Variants in CLASRP observed in about 807,000 individuals in gnomAD.
CLASRP encodes the protein CLK4-associating serine/arginine rich protein.
Under a neutral mutation model 99.9 loss-of-function variants are expected in CLASRP, and 52 were observed. The ratio of observed to expected loss-of-function variants is 0.52; its 90% confidence interval spans 0.42 to 0.66. CLASRP has a LOEUF of 0.66. CLASRP is among the 30% of genes least tolerant of loss of function. The pLI is 0.00. For missense variants in CLASRP, 848 were observed against 999.2 expected (o/e 0.85, Z 2.04); for synonymous variants, 379 against 373.0 (o/e 1.02, Z -0.18).
chr19:45,065,388 C>CAAAA (rs761472417), intron 13 of CLASRP, among the ~76,000 whole-genome samples: 32 of 84,962 alleles, frequency 3.8e-4, no homozygotes, highest in African/African-American at 1.2e-3. Flanking sequence ...GATTCCGTCT[C>CAAAA]AAAAAAAAAA....
In CLASRP at chr19:45,055,399, G is replaced by A. The variant is rs139213782; in HGVS notation, c.380-1051G>A. Among the ~76,000 whole-genome samples, 881 of 152,288 alleles carry A rather than the reference G, an allele frequency of 5.8e-3. 6 individuals are homozygous for A. The highest frequency in any genetic ancestry group is 0.014 in the Middle Eastern group (4 of 294). On this transcript the variant is annotated intron_variant, in intron 5 of 20. Transcript: ENST00000221455. Reference sequence around the variant, plus strand: ...TGGCTGGAGCAGGGAGAGCGAGGGCGCTTGTGCAAGACAGGGTCAGCAGGG... The same window carrying A: ...TGGCTGGAGCAGGGAGAGCGAGGGCACTTGTGCAAGACAGGGTCAGCAGGG...
rs143581101 is a variant in CLASRP at position 45,045,101 on chromosome 19, G to T, written c.99+4790G>T. 8.9e-3 allele frequency among the ~76,000 whole-genome samples: 1,361 copies of T among 152,312 alleles called. 6 individuals carry two copies. The highest frequency in any genetic ancestry group is 0.018 in the South Asian group (86 of 4,828). ...AGCCGCTTCTGTTTTGTTCTCCTGG[G>T]CACAGCTTCTCTTCCTAGTGTTGCA... is the stretch of plus-strand genomic sequence containing the variant. On this transcript the variant is annotated intron_variant, in intron 2 of 20. Transcript: ENST00000221455.
chr19:45,058,096 T>C (rs1414826658), intron 7 of CLASRP, 198 bp downstream of exon 7: 9 of 636,758 alleles, frequency 1.4e-5, no homozygotes, highest in Non-Finnish European at 2.4e-5. Flanking sequence ...CTCACTCATC[T>C]CTCATTTCTA....
In CLASRP at chr19:45,070,928, TAA is replaced by T. The variant is rs1967230971; in HGVS notation, c.*85_*86del. The T allele has an allele frequency of 2.3e-6, 2 of 885,210 alleles. No homozygotes were observed. The highest frequency in any genetic ancestry group is 3.6e-6 in the Non-Finnish European group (2 of 561,616). 54.8% of individuals were successfully genotyped at this position (885,210 alleles called of 1,614,324 possible). ...GCTGCTGGTTTTATCTCTAGTGAAA[TAA>T]AGTCAAAAGTTATTTAATTCCCGTC... is the stretch of plus-strand genomic sequence containing the variant. On this transcript the variant is annotated 3_prime_UTR_variant, in exon 21 of 21. Transcript: ENST00000221455.
At chr19:45,044,312 G>C (rs1236812944) in intron 2 of CLASRP, among the ~76,000 whole-genome samples, 1 of 152,250 alleles carries the variant, frequency 6.6e-6, no homozygotes, top group African/African-American at 2.4e-5. Context: ...CACGATAACA[G>C]CTAACGCTGT....
chr19:45,059,026 G>A (rs1953842451), intron 7 of CLASRP, among the ~76,000 whole-genome samples: 2 of 151,170 alleles, frequency 1.3e-5, no homozygotes, highest in Admixed American at 6.6e-5. Context: ...CCCTCCCTCC[G>A]TTCATCTGCC....
chr19:45,056,806 T>C (rs1972127697), intron 6 of CLASRP, among the ~76,000 whole-genome samples: 1 of 152,188 alleles, frequency 6.6e-6, no homozygotes, highest in Admixed American at 6.5e-5. Flanking sequence ...GAGTCCTGGC[T>C]GTGAGGCCCT....
Position 45,067,693 on chromosome 19 carries a change from G to A in CLASRP, c.1667+99G>A, listed in dbSNP as rs1967124949. The A allele has an allele frequency of 1.7e-6, 2 of 1,159,542 alleles. No homozygotes were observed. Among genetic ancestry groups the A allele is most frequent in the African/African-American group, 1.5e-5 (1 of 65,176 alleles). 71.8% of individuals were successfully genotyped at this position (1,159,542 alleles called of 1,614,324 possible). A position where few individuals can be genotyped will look rare whatever the true frequency, so the allele number is the denominator to read the frequency against. Reference sequence around the variant, plus strand: ...TGAGGGGAACTTAGCCCTACCCTGGGAGGTCTGGGGGGTGGTGTATGGCCC... The same window carrying A: ...TGAGGGGAACTTAGCCCTACCCTGGAAGGTCTGGGGGGTGGTGTATGGCCC... On this transcript the variant is annotated intron_variant, in intron 14 of 20. Coordinates refer to ENST00000221455, the MANE Select transcript of CLASRP (RefSeq NM_007056.3). This position sits in a 1 kb window ranked among gnomAD's most constrained non-coding sequence, Gnocchi z 4.9.
chr19:45,060,712 C>T lies in CLASRP; in HGVS notation c.863+85C>T. ...AGGGCCTGAGAAAGCTCTTTGGAGG[C>T]AGGCATTTGACTTGAGAAAGGAGTC... is the stretch of plus-strand genomic sequence containing the variant. On this transcript the variant is annotated intron_variant, in intron 10 of 20. Transcript: ENST00000221455. The surrounding 1 kb of genome is among the most constrained non-coding windows in gnomAD (Gnocchi z 4.6). 9.2e-7 allele frequency: 1 copy of T among 1,082,712 alleles called. No homozygotes were observed. The highest frequency in any genetic ancestry group is 1.3e-6 in the Non-Finnish European group (1 of 760,472). 67.1% of individuals were successfully genotyped at this position (1,082,712 alleles called of 1,614,324 possible).
intron 2 of CLASRP, 191 bp downstream of exon 2, chr19:45,040,502 G>T (rs140510419): frequency 3.7e-5 from 18 of 486,874 alleles, no homozygotes; most frequent in African/African-American, 3.3e-4. Context: ...GTAGCATACT[G>T]TGTCGTTTGG....
intron 2 of CLASRP, among the ~76,000 whole-genome samples, chr19:45,051,506 G>C (rs1330402902): frequency 6.6e-6 from 1 of 151,866 alleles, no homozygotes; most frequent in African/African-American, 2.4e-5. Flanking sequence ...GTAGAGCCTG[G>C]GTTTCGCCAT....
At chr19:45,046,812 G>C (rs1209236420) in intron 2 of CLASRP, among the ~76,000 whole-genome samples, 5 of 152,222 alleles carry the variant, frequency 3.3e-5, no homozygotes, top group Admixed American at 6.5e-5. Flanking sequence ...CAGATCACCT[G>C]AGGTCAGGAG....
At chr19:45,057,336 C>T (rs1009712532) in intron 6 of CLASRP, among the ~76,000 whole-genome samples, 1 of 152,230 alleles carries the variant, frequency 6.6e-6, no homozygotes, top group Non-Finnish European at 1.5e-5. Context: ...GAGACTTCAG[C>T]CCTCGTCCAC....
At chr19:45,057,716 G>T in intron 6 of CLASRP, 34 bp from the exon 7 acceptor site, 1 of 1,612,572 alleles carries the variant, frequency 6.2e-7, no homozygotes, top group Non-Finnish European at 8.5e-7. Context: ...TCTCCACTGG[G>T]CACGGCCCTG....
chr19:45,060,504 T>C lies in CLASRP; in HGVS notation c.789+37T>C. On this transcript the variant is annotated intron_variant, in intron 9 of 20. Coordinates refer to ENST00000221455, the MANE Select transcript of CLASRP (RefSeq NM_007056.3). The surrounding 1 kb of genome is among the most constrained non-coding windows in gnomAD (Gnocchi z 4.6). ...GCTGGAGTGGAAGGGGACAGGGGTG[T>C]GTCACAGGGAGGGCACCCCCTCACC... is the stretch of plus-strand genomic sequence containing the variant. The C allele has an allele frequency of 6.2e-7, 1 of 1,612,914 alleles. No homozygotes were observed. Among genetic ancestry groups the C allele is most frequent in the Admixed American group, 1.7e-5 (1 of 59,970 alleles).
At chr19:45,058,273 C>T (rs544656829) in intron 7 of CLASRP, 3 of 228,092 alleles carry the variant, frequency 1.3e-5, no homozygotes, top group Non-Finnish European at 2.7e-5. Flanking sequence ...GGCATCTGTT[C>T]ACCCTCCTCT....
At chr19:45,043,263 T>C (rs915969637) in intron 2 of CLASRP, among the ~76,000 whole-genome samples, 1 of 141,084 alleles carries the variant, frequency 7.1e-6, no homozygotes, top group Non-Finnish European at 1.5e-5. Context: ...ATACAAAAAA[T>C]TAGCTGGGCG....
chr19:45,052,927 G>A lies in CLASRP; in HGVS notation c.299+35G>A, dbSNP rs372543826. On this transcript the variant is annotated intron_variant, in intron 4 of 20. Coordinates refer to ENST00000221455, the MANE Select transcript of CLASRP (RefSeq NM_007056.3). ...CTCCCAGGGGGTTGCCAGGCACAGC[G>A]TCATACCCAGGAGCCCCTGTTCTTT... The A allele has an allele frequency of 5.7e-5, 90 of 1,569,178 alleles. No individual in the cohort carries two copies. The Admixed American group carries it at 6.0e-4, about 10-fold the overall frequency.
At chr19:45,069,176 C>A (rs759945980) in intron 17 of CLASRP, 26 bp from the exon 18 acceptor site, 6 of 1,613,924 alleles carry the variant, frequency 3.7e-6, no homozygotes, top group Non-Finnish European at 5.1e-6. Context: ...GGCCTGGCCA[C>A]GTCCTCATAG....
Sources: gnomAD v4.1 joint callset for allele counts (sites outside exome capture counted in the v4.1 genomes callset) on GRCh38, gnomAD v4.1.1 for gene constraint, Gnocchi (gnomAD v3.1) non-coding constraint, MANE v1.5 for transcripts, NCBI Gene and HGNC (gene_info 2026-07-23, HGNC 2026-07-21) for gene names.